Variants in IMPG1 observed in about 807,000 individuals in gnomAD.
The protein encoded by IMPG1 is interphotoreceptor matrix proteoglycan 1, also known as interphotoreceptor matrix proteoglycan of 150 kDa.
IMPG1 carries 85 observed loss-of-function variants against 92.0 expected under a neutral mutation model. That is an observed-to-expected ratio of 0.92 (90% CI 0.78 to 1.11). The LOEUF (loss-of-function observed/expected upper bound fraction) is 1.11, where lower values mean the gene tolerates loss of function less well. Ranked by LOEUF, IMPG1 falls within the 50% of genes least tolerant of loss-of-function variation. IMPG1 has a pLI of 0.00. For synonymous variants in IMPG1, 367 were observed against 334.1 expected (o/e 1.10, Z -1.08); for missense variants, 1,022 against 956.0 (o/e 1.07, Z -0.91).
chr6:76,032,182 C>T (rs2149487269), intron 4 of IMPG1, among the ~76,000 whole-genome samples: 1 of 152,138 alleles, frequency 6.6e-6, no homozygotes, highest in South Asian at 2.1e-4. Flanking sequence ...AGATGAAATG[C>T]TTCTATTTCC....
Position 75,931,136 on chromosome 6 carries a change from G to A in IMPG1, c.2060C>T (p.Pro687Leu). 1 of 1,612,964 alleles carries A rather than the reference G, an allele frequency of 6.2e-7. No homozygotes were observed. Among genetic ancestry groups the A allele is most frequent in the South Asian group, 1.1e-5 (1 of 90,804 alleles). ...LNIEPADQAD[P>L]CKFLACGEFA... The stretch of plus-strand genomic sequence containing the variant: ...TTCGCCGCAGGCCAGGAACTTGCAG[G>A]GATCTGCTTGATCAGCTGTAAGAAA... The change falls in exon 15 of 17, where the codon CCC becomes CTC. Residue 687 changes from proline to leucine, a missense_variant. By Grantham distance (98) the Pro-to-Leu change is moderately conservative. Coordinates refer to ENST00000369950, the MANE Select transcript of IMPG1 (RefSeq NM_001563.4).
chr6:75,947,019 ACT>A (rs1372705588), intron 14 of IMPG1, among the ~76,000 whole-genome samples: 5 of 152,106 alleles, frequency 3.3e-5, no homozygotes, highest in African/African-American at 1.2e-4. Context: ...ATTAAAAAAA[ACT>A]CTTAAACACA....
rs1205950188 is a variant in IMPG1, at chr6:75,947,560, T to C, written c.1825-27A>G. ...TGCAAAATAAAAGATGGTTTCCTCT[T>C]AACTGTGTTCTAAGTGCTCAGCTGC... is the stretch of plus-strand genomic sequence containing the variant. On this transcript the variant is annotated intron_variant, in intron 13 of 16. Coordinates refer to ENST00000369950, the MANE Select transcript of IMPG1 (RefSeq NM_001563.4). 10 of 1,542,510 alleles carry C rather than the reference T, an allele frequency of 6.5e-6. No individual in the cohort carries two copies. In the South Asian group the frequency reaches 1.0e-4, roughly 16 times the overall value.
At chr6:76,016,481 A>G (rs1266393119) in intron 7 of IMPG1, among the ~76,000 whole-genome samples, 3 of 152,234 alleles carry the variant, frequency 2.0e-5, no homozygotes, top group Admixed American at 6.5e-5. Context: ...ATGTCTGAGT[A>G]GTTTTCTGGT....
chr6:75,967,343 G>T (rs959336222), intron 12 of IMPG1, among the ~76,000 whole-genome samples: 3 of 152,214 alleles, frequency 2.0e-5, no homozygotes, highest in African/African-American at 4.8e-5. Context: ...TTGGGCCTTT[G>T]GTGGGTTGGG....
intron 12 of IMPG1, among the ~76,000 whole-genome samples, chr6:75,995,227 G>A (rs758356607): frequency 1.5e-4 from 23 of 152,056 alleles, no homozygotes; most frequent in African/African-American, 3.1e-4. Context: ...CTGAATTACC[G>A]TTAAGACTCT....
intron 15 of IMPG1, among the ~76,000 whole-genome samples, chr6:75,926,523 A>G: frequency 6.6e-6 from 1 of 152,226 alleles, no homozygotes; most frequent in East Asian, 1.9e-4. Flanking sequence ...ACCATCATTT[A>G]CTGAAACTGT....
At chr6:76,002,769 G>T in intron 12 of IMPG1, 149 bp downstream of exon 12, 1 of 643,512 alleles carries the variant, frequency 1.6e-6, no homozygotes. Flanking sequence ...TTAGTTCAAT[G>T]GACTGCTTTT....
At chr6:76,059,890 C>T (rs527665139) in intron 1 of IMPG1, among the ~76,000 whole-genome samples, 2 of 152,170 alleles carry the variant, frequency 1.3e-5, no homozygotes, top group African/African-American at 2.4e-5. Flanking sequence ...ATAATAGTGT[C>T]ATAGTATTTC....
At chr6:75,980,442 G>A (rs1782608543) in intron 12 of IMPG1, among the ~76,000 whole-genome samples, 1 of 152,194 alleles carries the variant, frequency 6.6e-6, no homozygotes, top group Non-Finnish European at 1.5e-5. Flanking sequence ...CTGTGAGGGT[G>A]TTGCCAAAGG....
At chr6:76,007,715 CATT>C (rs1394064378) in intron 8 of IMPG1, among the ~76,000 whole-genome samples, 16 of 152,162 alleles carry the variant, frequency 1.1e-4, no homozygotes, top group African/African-American at 3.9e-4. Flanking sequence ...AAGTAAACAT[CATT>C]ATATGTTTCT....
chr6:76,058,837 T>C (rs1404724201), intron 1 of IMPG1, among the ~76,000 whole-genome samples: 1 of 152,186 alleles, frequency 6.6e-6, no homozygotes, highest in Non-Finnish European at 1.5e-5. Context: ...ACTTGTAGGC[T>C]CAGGAATGAG....
At chr6:75,974,379 C>CTTTT (rs1299698465) in intron 12 of IMPG1, among the ~76,000 whole-genome samples, 2 of 87,462 alleles carry the variant, frequency 2.3e-5, no homozygotes, top group African/African-American at 9.4e-5. Flanking sequence ...TTCTTTCTTT[C>CTTTT]TTTCTTTCTT....
chr6:75,946,441 G>A (rs1781930817), intron 14 of IMPG1, among the ~76,000 whole-genome samples: 1 of 152,152 alleles, frequency 6.6e-6, no homozygotes, highest in Admixed American at 6.5e-5. Context: ...TAGCCAATTA[G>A]GAAGCTTTGT....
chr6:75,942,215 T>TA (rs749191595), intron 14 of IMPG1, among the ~76,000 whole-genome samples: 20 of 152,224 alleles, frequency 1.3e-4, no homozygotes, highest in Non-Finnish European at 2.2e-4. Flanking sequence ...TTATTCTTGA[T>TA]ATACAGAATT....
intron 12 of IMPG1, among the ~76,000 whole-genome samples, chr6:75,951,506 A>G (rs554842350): frequency 1.3e-5 from 2 of 152,326 alleles, no homozygotes; most frequent in African/African-American, 4.8e-5. Context: ...CCCCGTATAG[A>G]ACTCCCAGAC....
intron 1 of IMPG1, among the ~76,000 whole-genome samples, chr6:76,049,590 C>T (rs913803585): frequency 1.4e-4 from 22 of 152,276 alleles, no homozygotes; most frequent in Admixed American, 9.2e-4. Context: ...ATCTAACACA[C>T]AATATACAGA....
chr6:76,064,364 T>C (rs1412582427), intron 1 of IMPG1, among the ~76,000 whole-genome samples: 2 of 68,624 alleles, frequency 2.9e-5, no homozygotes, highest in Non-Finnish European at 6.3e-5. Context: ...GCAACCATTT[T>C]TTTTTCTTTT....
intron 12 of IMPG1, among the ~76,000 whole-genome samples, chr6:75,985,107 A>T (rs566979764): frequency 1.3e-4 from 20 of 152,270 alleles, no homozygotes; most frequent in Non-Finnish European, 2.5e-4. Context: ...ATTTAAATAT[A>T]AACAAATAAA....
Sources: allele counts gnomAD v4.1 joint callset (sites outside exome capture counted in the v4.1 genomes callset), GRCh38; gene constraint gnomAD v4.1.1; transcripts MANE v1.5; gene names NCBI Gene and HGNC (gene_info 2026-07-23, HGNC 2026-07-21).